Variants in KLHL1 observed in about 807,000 individuals in gnomAD.
KLHL1 encodes kelch-like protein 1.
In KLHL1, 47 loss-of-function variants were observed where a neutral mutation model predicts 77.7. The observed-to-expected ratio is 0.60, with a 90% CI of 0.48 to 0.77. KLHL1 has a LOEUF of 0.77. Among genes scored for constraint, KLHL1 ranks in the 30% least tolerant of loss-of-function variants. KLHL1 has a pLI of 0.00. For synonymous variants in KLHL1, 360 were observed against 325.2 expected (o/e 1.11, Z -1.15); for missense variants, 925 against 910.8 (o/e 1.02, Z -0.20).
intron 3 of KLHL1, 63 bp from the exon 4 acceptor site, chr13:69,940,299 C>A: frequency 7.9e-7 from 1 of 1,270,394 alleles, no homozygotes; most frequent in East Asian, 2.5e-5. Context: ...TGTATCATAA[C>A]ACTACACAAA....
chr13:69,712,783 T>C (rs1345909), intron 9 of KLHL1, among the ~76,000 whole-genome samples: 1 of 122,832 alleles, frequency 8.1e-6, no homozygotes, highest in Non-Finnish European at 1.7e-5. Context: ...GGGGGGGGGG[T>C]TTTGTTTGTT....
intron 1 of KLHL1, among the ~76,000 whole-genome samples, chr13:70,097,662 A>G (rs1392438991): frequency 1.3e-5 from 2 of 151,878 alleles, no homozygotes; most frequent in East Asian, 3.9e-4. Context: ...CTGTTCAGAA[A>G]TAAGCTTTTC....
intron 3 of KLHL1, among the ~76,000 whole-genome samples, chr13:69,949,560 A>G (rs1883639719): frequency 6.6e-6 from 1 of 151,670 alleles, no homozygotes; most frequent in South Asian, 2.1e-4. Flanking sequence ...TAGTACCTTT[A>G]CATACTGTAC....
chr13:69,728,884 A>G (rs1369879812), intron 8 of KLHL1, among the ~76,000 whole-genome samples: 1 of 152,048 alleles, frequency 6.6e-6, no homozygotes, highest in African/African-American at 2.4e-5. Context: ...TCATGAAAGA[A>G]ACTCTGTTTT....
chr13:70,079,587 C>T (rs1418088869), intron 1 of KLHL1, among the ~76,000 whole-genome samples: 1 of 152,062 alleles, frequency 6.6e-6, no homozygotes, highest in African/African-American at 2.4e-5. Flanking sequence ...TTTGAGACCA[C>T]TTATATACCT....
At chr13:70,086,965 A>G (rs1287845541) in intron 1 of KLHL1, among the ~76,000 whole-genome samples, 1 of 152,166 alleles carries the variant, frequency 6.6e-6, no homozygotes, top group Non-Finnish European at 1.5e-5. Context: ...GTCAGGGGGG[A>G]ATGGCATGAT....
At chr13:69,778,766 TA>T (rs1169996390) in intron 7 of KLHL1, among the ~76,000 whole-genome samples, 1 of 151,138 alleles carries the variant, frequency 6.6e-6, no homozygotes, top group East Asian at 1.9e-4. Context: ...CTACTGTATA[TA>T]ATATTGAAGG....
At chr13:69,766,056 G>A (rs1875286786) in intron 7 of KLHL1, among the ~76,000 whole-genome samples, 1 of 152,110 alleles carries the variant, frequency 6.6e-6, no homozygotes, top group Non-Finnish European at 1.5e-5. Flanking sequence ...TATTACATGT[G>A]CTAATTCTGC....
intron 3 of KLHL1, among the ~76,000 whole-genome samples, chr13:69,947,078 ATCT>A (rs57639697): frequency 0.14 from 20,555 of 144,446 alleles, 2,328 homozygotes; most frequent in African/African-American, 0.3. Context: ...GTGTGTGAAG[ATCT>A]TCTTCCTATT....
intron 1 of KLHL1, among the ~76,000 whole-genome samples, chr13:70,075,153 TA>T (rs2137422792): frequency 6.6e-6 from 1 of 152,018 alleles, no homozygotes; most frequent in East Asian, 1.9e-4. Flanking sequence ...GATTGAGACT[TA>T]AATACTCTCT....
At chr13:69,746,315 A>G (rs1339205059) in intron 7 of KLHL1, among the ~76,000 whole-genome samples, 1 of 151,712 alleles carries the variant, frequency 6.6e-6, no homozygotes, top group Non-Finnish European at 1.5e-5. Context: ...GCTTACTTCA[A>G]TGACATTATA....
intron 1 of KLHL1, among the ~76,000 whole-genome samples, chr13:70,035,427 G>C (rs970044036): frequency 2.0e-5 from 3 of 152,020 alleles, no homozygotes; most frequent in African/African-American, 7.2e-5. Flanking sequence ...ATGGTTTCCA[G>C]AGCCTGGGAA....
At chr13:70,068,234 G>A (rs373654967) in intron 1 of KLHL1, among the ~76,000 whole-genome samples, 4 of 151,914 alleles carry the variant, frequency 2.6e-5, no homozygotes, top group Non-Finnish European at 5.9e-5. Context: ...CCAGCTACTC[G>A]GGAGGCTGAG....
At chr13:69,786,077 T>A (rs1247625087) in intron 7 of KLHL1, among the ~76,000 whole-genome samples, 1 of 152,034 alleles carries the variant, frequency 6.6e-6, no homozygotes, top group Admixed American at 6.6e-5. Flanking sequence ...CTACCAGAGG[T>A]ACAAGGAGGA....
At chr13:70,026,673 G>T (rs1267262649) in intron 1 of KLHL1, among the ~76,000 whole-genome samples, 2 of 151,366 alleles carry the variant, frequency 1.3e-5, no homozygotes, top group African/African-American at 4.9e-5. Flanking sequence ...AGGTGATTGA[G>T]AAAGAGTTGC....
At chr13:69,945,347 A>G (rs1227399368) in intron 3 of KLHL1, among the ~76,000 whole-genome samples, 1 of 151,928 alleles carries the variant, frequency 6.6e-6, no homozygotes, top group Non-Finnish European at 1.5e-5. Context: ...TAATTTCTCA[A>G]AGAACAAATG....
chr13:70,046,264 G>A (rs551710555), intron 1 of KLHL1, among the ~76,000 whole-genome samples: 4 of 152,144 alleles, frequency 2.6e-5, no homozygotes, highest in African/African-American at 9.7e-5. Flanking sequence ...ATATAGTCAG[G>A]AGGACTGCAG....
At chr13:70,032,435 G>A (rs1886126698) in intron 1 of KLHL1, among the ~76,000 whole-genome samples, 2 of 152,054 alleles carry the variant, frequency 1.3e-5, no homozygotes, top group Admixed American at 6.6e-5. Context: ...CAATGACGGA[G>A]CAAATTGAAG....
intron 6 of KLHL1, among the ~76,000 whole-genome samples, chr13:69,806,324 C>T (rs1450864874): frequency 6.6e-6 from 1 of 152,102 alleles, no homozygotes; most frequent in Non-Finnish European, 1.5e-5. Flanking sequence ...TTTAAGTTAC[C>T]TTCCAGGATA....
Sources: gnomAD v4.1 joint callset for allele counts (sites outside exome capture counted in the v4.1 genomes callset) on GRCh38, gnomAD v4.1.1 for gene constraint, MANE v1.5 for transcripts, NCBI Gene and HGNC (gene_info 2026-07-23, HGNC 2026-07-21) for gene names.